Variants in CAB39L observed in about 807,000 individuals in gnomAD.
CAB39L encodes the protein calcium-binding protein 39-like.
A neutral mutation model predicts 39.1 loss-of-function variants in CAB39L; 23 were observed. The ratio of observed to expected loss-of-function variants is 0.59; its 90% CI spans 0.42 to 0.83. CAB39L has a LOEUF of 0.83. CAB39L is among the 40% of genes least tolerant of loss of function. CAB39L has a pLI of 0.00. For synonymous variants in CAB39L, 126 were observed against 137.2 expected (o/e 0.92, Z 0.57); for missense variants, 366 against 391.9 (o/e 0.93, Z 0.56).
chr13:49,425,149 T>C (rs1044017858), intron 3 of CAB39L, among the ~76,000 whole-genome samples: 1 of 151,998 alleles, frequency 6.6e-6, no homozygotes, highest in Non-Finnish European at 1.5e-5. Flanking sequence ...TGGTAATATA[T>C]TTCAGGAGGT....
intron 4 of CAB39L, among the ~76,000 whole-genome samples, chr13:49,381,910 C>T (rs1054936677): frequency 2.0e-5 from 3 of 152,170 alleles, no homozygotes; most frequent in Non-Finnish European, 4.4e-5. Context: ...TGCATATCTT[C>T]GTATTTCACA....
At chr13:49,340,371 C>A (rs999516921) in intron 8 of CAB39L, among the ~76,000 whole-genome samples, 2 of 152,156 alleles carry the variant, frequency 1.3e-5, no homozygotes, top group Non-Finnish European at 2.9e-5. Flanking sequence ...GGGCACACAG[C>A]TCATAGAGCA....
chr13:49,386,454 CTAT>C (rs1456650076), intron 3 of CAB39L, among the ~76,000 whole-genome samples: 6 of 151,950 alleles, frequency 3.9e-5, no homozygotes, highest in African/African-American at 1.5e-4. Flanking sequence ...TCTTTGAAGC[CTAT>C]TATTAAGTGG....
At chr13:49,400,650 A>T (rs1956750588) in intron 3 of CAB39L, among the ~76,000 whole-genome samples, 1 of 152,178 alleles carries the variant, frequency 6.6e-6, no homozygotes, top group African/African-American at 2.4e-5. Context: ...AGAAGCAGTC[A>T]ACATTTAAAT....
At chr13:49,337,623 A>G (rs945379664) in intron 9 of CAB39L, among the ~76,000 whole-genome samples, 1 of 152,112 alleles carries the variant, frequency 6.6e-6, no homozygotes, top group Non-Finnish European at 1.5e-5. Context: ...CAACACACAC[A>G]TACACACAAA....
intron 5 of CAB39L, among the ~76,000 whole-genome samples, chr13:49,361,813 C>A (rs1053364231): frequency 6.6e-6 from 1 of 151,192 alleles, no homozygotes; most frequent in African/African-American, 2.5e-5. Context: ...GGGATGAGTG[C>A]CCCTCTCTGT....
intron 6 of CAB39L, among the ~76,000 whole-genome samples, chr13:49,353,734 A>G (rs1336994459): frequency 1.3e-5 from 2 of 151,982 alleles, no homozygotes; most frequent in East Asian, 3.9e-4. Context: ...GTAAATTGCT[A>G]TAGGTCTATT....
At chr13:49,420,963 G>A (rs1301028587) in intron 3 of CAB39L, among the ~76,000 whole-genome samples, 1 of 152,044 alleles carries the variant, frequency 6.6e-6, no homozygotes, top group Non-Finnish European at 1.5e-5. Flanking sequence ...ATATCTAAGG[G>A]CAAAGAATAA....
intron 6 of CAB39L, among the ~76,000 whole-genome samples, chr13:49,357,466 C>T (rs978837222): frequency 7.2e-5 from 11 of 152,128 alleles, no homozygotes; most frequent in African/African-American, 2.7e-4. Context: ...GGTTGAAAAA[C>T]AGAAGAATAA....
intron 7 of CAB39L, among the ~76,000 whole-genome samples, chr13:49,347,189 C>G (rs1360324249): frequency 6.6e-6 from 1 of 152,030 alleles, no homozygotes; most frequent in Non-Finnish European, 1.5e-5. Flanking sequence ...AAACTGACAG[C>G]ATACTAGAAA....
intron 7 of CAB39L, among the ~76,000 whole-genome samples, chr13:49,345,437 C>A (rs560525758): frequency 9.2e-5 from 14 of 152,130 alleles, no homozygotes; most frequent in African/African-American, 3.1e-4. Context: ...GGTGTTTTTC[C>A]CCCCCAGTGG....
At chr13:49,424,735 T>C (rs1957218724) in intron 3 of CAB39L, among the ~76,000 whole-genome samples, 1 of 152,162 alleles carries the variant, frequency 6.6e-6, no homozygotes, top group African/African-American at 2.4e-5. Flanking sequence ...GAGAATTAAC[T>C]TCTCAGAACA....
At chr13:49,361,477 CAAAAAAAAAA>C (rs33984866) in intron 5 of CAB39L, among the ~76,000 whole-genome samples, 1 of 54,438 alleles carries the variant, frequency 1.8e-5, no homozygotes, top group Non-Finnish European at 3.0e-5. Context: ...GACTTCATCT[CAAAAAAAAAA>C]AAAAAAAAAA....
intron 3 of CAB39L, among the ~76,000 whole-genome samples, chr13:49,391,102 C>T (rs74072570): frequency 0.06 from 9,139 of 152,194 alleles, 780 homozygotes; most frequent in African/African-American, 0.19. Context: ...CCACAAACTT[C>T]CATAAAGGGG....
chr13:49,391,950 C>G (rs866666007), intron 3 of CAB39L, among the ~76,000 whole-genome samples: 126 of 66,182 alleles, frequency 1.9e-3, no homozygotes, highest in African/African-American at 9.4e-3. Context: ...ATTGGGTTCA[C>G]ACACACACAC....
chr13:49,362,580 G>A (rs965131010), intron 5 of CAB39L, among the ~76,000 whole-genome samples: 1 of 151,598 alleles, frequency 6.6e-6, no homozygotes, highest in African/African-American at 2.4e-5. Context: ...AAAAAACAAT[G>A]AAGAATGCCT....
At chr13:49,414,853 T>C (rs1416113710) in intron 3 of CAB39L, among the ~76,000 whole-genome samples, 1 of 152,142 alleles carries the variant, frequency 6.6e-6, no homozygotes, top group Non-Finnish European at 1.5e-5. Flanking sequence ...GAAAATTTGT[T>C]TTAAAAAAGG....
At chr13:49,414,485 A>G (rs952935355) in intron 3 of CAB39L, among the ~76,000 whole-genome samples, 4 of 152,230 alleles carry the variant, frequency 2.6e-5, no homozygotes, top group Non-Finnish European at 1.5e-5. Flanking sequence ...AAGGAAAGCC[A>G]AGAGTATCTA....
intron 5 of CAB39L, 96 bp downstream of exon 5, chr13:49,376,871 T>G (rs1956074417): frequency 1.6e-6 from 1 of 628,882 alleles, no homozygotes; most frequent in Non-Finnish European, 2.3e-6. Flanking sequence ...AAAGCCATAA[T>G]GAAAAGCAAA....
Sources: gnomAD v4.1 joint callset for allele counts (sites outside exome capture counted in the v4.1 genomes callset) on GRCh38, gnomAD v4.1.1 for gene constraint, MANE v1.5 for transcripts, NCBI Gene and HGNC (gene_info 2026-07-23, HGNC 2026-07-21) for gene names.